The following TBC1D12 variants were observed in gnomAD, a reference collection of about 807,000 sequenced individuals.
The protein encoded by TBC1D12 is TBC1 domain family member 12, also known as TBC1 domain family, member 12.
A neutral mutation model predicts 86.7 loss-of-function variants in TBC1D12; 56 were observed. That is an observed-to-expected ratio of 0.65 (90% confidence interval 0.52 to 0.81). The LOEUF (loss-of-function observed/expected upper bound fraction) is 0.81, where lower values mean the gene tolerates loss of function less well. Among genes scored for constraint, TBC1D12 ranks in the 30% least tolerant of loss-of-function variants. The probability of loss-of-function intolerance (pLI) is 0.00; values close to 1 mark genes in which losing one functional copy is unlikely to be tolerated. For synonymous variants in TBC1D12, 421 were observed against 411.7 expected (o/e 1.02, Z -0.27); for missense variants, 1,023 against 1,038.8 (o/e 0.98, Z 0.21).
intron 1 of TBC1D12, among the ~76,000 whole-genome samples, chr10:94,423,023 TCAG>T (rs2055095985): frequency 6.6e-6 from 1 of 152,088 alleles, no homozygotes; most frequent in South Asian, 2.1e-4. Flanking sequence ...TCATTTGAGC[TCAG>T]CAGTTTGATG....
intron 6 of TBC1D12, among the ~76,000 whole-genome samples, chr10:94,500,885 G>A (rs1027103491): frequency 6.6e-6 from 1 of 151,620 alleles, no homozygotes; most frequent in Non-Finnish European, 1.5e-5. Flanking sequence ...GCGAAACCCT[G>A]TCTCTAGTAA....
chr10:94,431,474 T>C (rs1190677068), intron 1 of TBC1D12, among the ~76,000 whole-genome samples: 1 of 152,038 alleles, frequency 6.6e-6, no homozygotes, highest in Non-Finnish European at 1.5e-5. Context: ...TTAATATTTC[T>C]ACCATACCTG....
intron 9 of TBC1D12, among the ~76,000 whole-genome samples, chr10:94,516,869 T>C (rs1422974757): frequency 6.6e-6 from 1 of 152,020 alleles, no homozygotes; most frequent in Non-Finnish European, 1.5e-5. Flanking sequence ...TTGAGACTAG[T>C]CAAAATATCT....
At chr10:94,487,049 A>G (rs983753663) in intron 3 of TBC1D12, among the ~76,000 whole-genome samples, 1 of 152,084 alleles carries the variant, frequency 6.6e-6, no homozygotes, top group Non-Finnish European at 1.5e-5. Context: ...CCCCTTTATC[A>G]TTATATAATG....
intron 2 of TBC1D12, among the ~76,000 whole-genome samples, chr10:94,470,403 C>T (rs1005502237): frequency 2.0e-5 from 3 of 152,108 alleles, no homozygotes; most frequent in Admixed American, 2.0e-4. Context: ...CTCACTCTGT[C>T]ACCCAGGCTG....
chr10:94,518,210 T>C (rs1471793607), intron 9 of TBC1D12, among the ~76,000 whole-genome samples: 1 of 152,060 alleles, frequency 6.6e-6, no homozygotes, highest in Admixed American at 6.6e-5. Flanking sequence ...TTCTTTTTTT[T>C]CTTTTCTTTT....
At chr10:94,532,263 C>T (rs752999701) in intron 12 of TBC1D12, among the ~76,000 whole-genome samples, 18 of 152,180 alleles carry the variant, frequency 1.2e-4, no homozygotes, top group Non-Finnish European at 2.1e-4. Flanking sequence ...CTACAACCAC[C>T]GTCTCCCGGG....
At chr10:94,521,221 C>CAAAAAAAAAAAAAAAAA (rs1294257279) in intron 9 of TBC1D12, among the ~76,000 whole-genome samples, 4 of 48,546 alleles carry the variant, frequency 8.2e-5, no homozygotes, top group Non-Finnish European at 1.4e-4. Flanking sequence ...AAAAAGAAAC[C>CAAAAAAAAAAAAAAAAA]AAAAAAAAAA....
At chr10:94,455,927 G>A (rs2055620341) in intron 2 of TBC1D12, among the ~76,000 whole-genome samples, 1 of 151,686 alleles carries the variant, frequency 6.6e-6, no homozygotes, top group African/African-American at 2.4e-5. Context: ...CTGGACAACA[G>A]AGCTTAAGAC....
intron 1 of TBC1D12, among the ~76,000 whole-genome samples, chr10:94,420,653 A>C (rs1034196646): frequency 6.6e-6 from 1 of 152,248 alleles, no homozygotes; most frequent in East Asian, 1.9e-4. Flanking sequence ...TTCACTTTGC[A>C]TGTTTTTAAG....
chr10:94,440,200 TGCTCTGTTGCCCAGGCTGCAGTATAGTG>T (rs2055359513), intron 1 of TBC1D12, among the ~76,000 whole-genome samples: 1 of 152,032 alleles, frequency 6.6e-6, no homozygotes, highest in African/African-American at 2.4e-5. Context: ...GGCAGGGTCT[TGCTCTGTTGCCCAGGCTGCAGTATAGTG>T]GCAGTATCAT....
chr10:94,476,197 A>T (rs953251960), intron 3 of TBC1D12, among the ~76,000 whole-genome samples: 1 of 150,792 alleles, frequency 6.6e-6, no homozygotes. Context: ...TTTTCTACCC[A>T]TTTTCCTGAT....
At chr10:94,514,614 C>T (rs988832993) in intron 9 of TBC1D12, among the ~76,000 whole-genome samples, 2 of 152,174 alleles carry the variant, frequency 1.3e-5, no homozygotes, top group African/African-American at 4.8e-5. Context: ...TTTGTTAAGG[C>T]TGAACAGTAT....
rs534043982 is a variant in TBC1D12, at chr10:94,409,623, G to A, written c.971+6039G>A. 3.3e-5 allele frequency among the ~76,000 whole-genome samples: 5 copies of A among 151,976 alleles called. No individual in the cohort carries two copies. In the South Asian group the frequency reaches 6.2e-4, roughly 19 times the overall value. ...ACTCCTGGGCTCAAGTGATCTGCCC[G>A]CTTTGGCCTTTTAAAGTGCTAGGAT... On this transcript the variant is annotated intron_variant, in intron 1 of 12. Transcript: ENST00000225235.
chr10:94,402,986 G>A lies in TBC1D12; in HGVS notation c.373G>A (p.Gly125Ser). Residue 125 changes from glycine (G) to serine (S), a missense_variant, in exon 1 of 13, where the codon GGC becomes AGC. By Grantham distance (56) the Gly-to-Ser change is moderately conservative. Around this residue, in one of 2 missense-constraint regions of TBC1D12, gnomAD observed 628 missense variants for 531.1 expected, o/e 1.18. Coordinates refer to ENST00000225235, the MANE Select transcript of TBC1D12 (RefSeq NM_015188.2). ...ACACCGCGGCGCGGAGGTGGCTGAT[G>A]GCCGCGCGCCGCGGCACGAAGGCAT... ...SKHRGAEVADGRAPRHEGMTN... is the reference protein window; with the variant it reads ...SKHRGAEVADSRAPRHEGMTN... 6.3e-7 allele frequency: 1 copy of A among 1,575,706 alleles called. No individual in the cohort carries two copies. The highest frequency in any genetic ancestry group is 8.6e-7 in the Non-Finnish European group (1 of 1,165,420).
chr10:94,532,944 A>G lies in TBC1D12; in HGVS notation c.2260-84A>G, dbSNP rs970919053. 42 of 765,038 alleles carry G rather than the reference A, an allele frequency of 5.5e-5. No homozygotes were observed. The African/African-American group carries it at 6.8e-4, about 12-fold the overall frequency. 47.4% of individuals were successfully genotyped at this position (765,038 alleles called of 1,614,324 possible). ...GTGTTAAGTATAATAAAGCTTTTTC[A>G]TGTTTATGAACTATAGTTATTTAAA... On this transcript the variant is annotated intron_variant, in intron 12 of 12. Transcript: ENST00000225235.
chr10:94,405,901 C>T (rs545773642), intron 1 of TBC1D12, among the ~76,000 whole-genome samples: 2 of 152,012 alleles, frequency 1.3e-5, no homozygotes, highest in African/African-American at 2.4e-5. Context: ...CCTCTGCCCC[C>T]CTGGGTTCAA....
rs117846180 is a variant in TBC1D12 at position 94,413,443 on chromosome 10, T to G, written c.971+9859T>G. On this transcript the variant is annotated intron_variant, in intron 1 of 12. Transcript: ENST00000225235. ...AAAAAGTGTTATTTTTCCTTCCTTC[T>G]GCTGCTATTTGTAATTCTTTTCCGT... 6.5e-3 allele frequency among the ~76,000 whole-genome samples: 991 copies of G among 152,322 alleles called. 14 individuals carry two copies. Among genetic ancestry groups the G allele is most frequent in the East Asian group, 0.06 (312 of 5,178 alleles).
At chr10:94,441,786 A>T in intron 1 of TBC1D12, 110 bp from the exon 2 acceptor site, 1 of 1,066,996 alleles carries the variant, frequency 9.4e-7, no homozygotes, top group Non-Finnish European at 1.3e-6. Context: ...AAATAGTTTT[A>T]TTTAAAAGTA....
Sources: allele counts gnomAD v4.1 joint callset (sites outside exome capture counted in the v4.1 genomes callset), GRCh38; gene constraint gnomAD v4.1.1; regional missense constraint gnomAD v4.1.1; transcripts MANE v1.5; gene names NCBI Gene and HGNC (gene_info 2026-07-23, HGNC 2026-07-21).